AFAP1: variants seen among roughly 807,000 people sequenced by gnomAD.
AFAP1 encodes actin filament associated protein 1.
AFAP1 carries 75 observed loss-of-function variants against 93.9 expected under a neutral mutation model. That is an observed-to-expected ratio of 0.80 (90% CI 0.66 to 0.97). The LOEUF (loss-of-function observed/expected upper bound fraction) is 0.97, where lower values mean the gene tolerates loss of function less well. Ranked by LOEUF, AFAP1 falls within the 50% of genes least tolerant of loss-of-function variation. The pLI, the probability that AFAP1 is intolerant of heterozygous loss-of-function variation, is 0.00. For missense variants in AFAP1, 1,201 were observed against 1,050.8 expected (o/e 1.14, Z -1.98); for synonymous variants, 517 against 430.7 (o/e 1.20, Z -2.48).
At chr4:7,933,043 G>GA (rs1225948509) in intron 1 of AFAP1, among the ~76,000 whole-genome samples, 2 of 150,208 alleles carry the variant, frequency 1.3e-5, no homozygotes, top group African/African-American at 4.9e-5. Flanking sequence ...AAAAAAAAGG[G>GA]GGGGGATCTT....
intron 6 of AFAP1, among the ~76,000 whole-genome samples, chr4:7,836,691 G>A (rs978730625): frequency 1.3e-5 from 2 of 152,042 alleles, no homozygotes; most frequent in Non-Finnish European, 2.9e-5. Flanking sequence ...TCAAGCTATC[G>A]GCCCACCTTG....
chr4:7,774,563 C>G lies in AFAP1; in HGVS notation c.2062+176G>C, dbSNP rs1371651805. 9 of 1,003,678 alleles carry G rather than the reference C, an allele frequency of 9.0e-6. No individual in the cohort carries two copies. In the East Asian group the frequency reaches 2.5e-4, roughly 28 times the overall value. The allele number at this position is 1,003,678 out of a possible 1,614,324, so 62.2% of individuals were successfully genotyped here. On this transcript the variant is annotated intron_variant, in intron 15 of 17. Coordinates refer to ENST00000420658, the MANE Select transcript of AFAP1 (RefSeq NM_001134647.2). ...GCCGCATGTTTGACCACACAGGCAC[C>G]TGCCTCGGGGTTACCAGCAATGTTT...
At chr4:7,904,566 A>AT (rs1719295146) in intron 1 of AFAP1, among the ~76,000 whole-genome samples, 1 of 152,182 alleles carries the variant, frequency 6.6e-6, no homozygotes, top group Non-Finnish European at 1.5e-5. Flanking sequence ...TCAGTACCAT[A>AT]TTCTCTCATT....
At chr4:7,873,242 C>CAAAAAAAAAAAAAAAA (rs1195209480) in intron 1 of AFAP1, among the ~76,000 whole-genome samples, 5 of 64,126 alleles carry the variant, frequency 7.8e-5, no homozygotes, top group African/African-American at 3.3e-4. Context: ...GACTCTGTCT[C>CAAAAAAAAAAAAAAAA]AAAAAAAAAA....
intron 1 of AFAP1, among the ~76,000 whole-genome samples, chr4:7,914,951 G>A (rs1255123037): frequency 2.6e-5 from 4 of 152,128 alleles, no homozygotes; most frequent in Non-Finnish European, 4.4e-5. Flanking sequence ...GTTTTACCAC[G>A]TTGGCCAGGC....
At chr4:7,779,238 T>G (rs889986105) in intron 13 of AFAP1, 5 of 206,402 alleles carry the variant, frequency 2.4e-5, no homozygotes, top group African/African-American at 1.2e-4. Flanking sequence ...ATAAGCAGCT[T>G]TTATTTCAGT....
intron 1 of AFAP1, among the ~76,000 whole-genome samples, chr4:7,933,426 A>G (rs865946539): frequency 6.6e-6 from 1 of 152,130 alleles, no homozygotes; most frequent in Admixed American, 6.5e-5. Flanking sequence ...TACAAAAATT[A>G]GTCGGGCACA....
rs780599846 is a variant in AFAP1, at chr4:7,872,028, A to C, written c.51T>G (p.His17Gln). 4 of 1,614,014 alleles carry C rather than the reference A, an allele frequency of 2.5e-6. No individual in the cohort carries two copies. The highest frequency in any genetic ancestry group is 3.4e-6 in the Non-Finnish European group (4 of 1,180,034). Residue 17 changes from histidine (H) to glutamine (Q), a missense_variant, in exon 2 of 18, where the codon CAT becomes CAG. Coordinates refer to ENST00000420658, the MANE Select transcript of AFAP1 (RefSeq NM_001134647.2). ...ELRLFLELLD[H>Q]EYLTSTVREK... ...CCCTGACAGTTGAGGTTAGATATTC[A>C]TGGTCCAGGAGTTCAAGAAAGAGAC...
At chr4:7,764,718 T>C (rs183938752) in intron 17 of AFAP1, among the ~76,000 whole-genome samples, 38 of 152,324 alleles carry the variant, frequency 2.5e-4, no homozygotes, top group Admixed American at 2.3e-3. Flanking sequence ...GCAGGGACAG[T>C]GGGCACTGGG....
intron 17 of AFAP1, among the ~76,000 whole-genome samples, chr4:7,765,600 G>T (rs1040446963): frequency 6.6e-6 from 1 of 152,232 alleles, no homozygotes. Flanking sequence ...ACGTGGATTT[G>T]AAATGGGGTT....
At chr4:7,864,626 G>T (rs1716204972) in intron 3 of AFAP1, among the ~76,000 whole-genome samples, 1 of 152,264 alleles carries the variant, frequency 6.6e-6, no homozygotes, top group South Asian at 2.1e-4. Context: ...AGGGCAACAG[G>T]CTCCTCCCTG....
intron 11 of AFAP1, among the ~76,000 whole-genome samples, chr4:7,787,958 C>CA (rs1419223747): frequency 4.9e-5 from 5 of 101,696 alleles, no homozygotes; most frequent in African/African-American, 2.6e-4. Flanking sequence ...GTGGGTGCTG[C>CA]CCCCCAGGAG....
Position 7,762,853 on chromosome 4 carries a change from T to TCCTGTACAGTGGCTCC in AFAP1, c.*911_*912insGGAGCCACTGTACAGG, listed in dbSNP as rs1341064998. Reference sequence around the variant, plus strand: ...CCCTGGCCCCAAGCAGCAGTAAACGTCCTGTACAGCGGCGAGGAGCCAGCC... The same window carrying TCCTGTACAGTGGCTCC: ...CCCTGGCCCCAAGCAGCAGTAAACGTCCTGTACAGTGGCTCCCCTGTACAGCGGCGAGGAGCCAGCC... On this transcript the variant is annotated 3_prime_UTR_variant, in exon 18 of 18. Coordinates refer to ENST00000420658, the MANE Select transcript of AFAP1 (RefSeq NM_001134647.2). 1 of 152,272 alleles carries TCCTGTACAGTGGCTCC rather than the reference T, an allele frequency of 6.6e-6. No homozygotes were observed. The highest frequency in any genetic ancestry group is 6.5e-5 in the Admixed American group (1 of 15,280). 9.4% of individuals were successfully genotyped at this position (152,272 alleles called of 1,614,324 possible).
At chr4:7,924,762 G>C (rs966159469) in intron 1 of AFAP1, among the ~76,000 whole-genome samples, 13 of 152,120 alleles carry the variant, frequency 8.5e-5, no homozygotes, top group African/African-American at 2.9e-4. Context: ...CAGCCAGGAG[G>C]CCAGCCAGGC....
chr4:7,800,100 G>A (rs964535471), intron 10 of AFAP1, among the ~76,000 whole-genome samples: 1 of 152,188 alleles, frequency 6.6e-6, no homozygotes, highest in African/African-American at 2.4e-5. Context: ...TTTTCCAGGT[G>A]CTTTAGAAAA....
chr4:7,781,260 A>G, intron 13 of AFAP1, 116 bp downstream of exon 13: 1 of 1,342,944 alleles, frequency 7.4e-7, no homozygotes, highest in Non-Finnish European at 1.0e-6. Flanking sequence ...GTTGAGAAAA[A>G]AAAAACACAT....
At chr4:7,914,540 T>A (rs1043818926) in intron 1 of AFAP1, among the ~76,000 whole-genome samples, 2 of 152,148 alleles carry the variant, frequency 1.3e-5, no homozygotes, top group Non-Finnish European at 2.9e-5. Flanking sequence ...CTATCCATCA[T>A]GTGCTGCTGG....
At chr4:7,828,970 G>A (rs1721662990) in intron 6 of AFAP1, among the ~76,000 whole-genome samples, 1 of 152,216 alleles carries the variant, frequency 6.6e-6, no homozygotes, top group Non-Finnish European at 1.5e-5. Flanking sequence ...ATTGAATCAT[G>A]GGGGCGGTTA....
chr4:7,843,045 T>C (rs1713245749), intron 5 of AFAP1, 94 bp downstream of exon 5: 1 of 1,392,236 alleles, frequency 7.2e-7, no homozygotes, highest in Non-Finnish European at 9.9e-7. Flanking sequence ...CTGCCCTTCC[T>C]GCACAGCTGA....
Sources: allele counts gnomAD v4.1 joint callset (sites outside exome capture counted in the v4.1 genomes callset), GRCh38; gene constraint gnomAD v4.1.1; transcripts MANE v1.5; gene names NCBI Gene and HGNC (gene_info 2026-07-23, HGNC 2026-07-21).